Variants in ESRRB observed in about 807,000 individuals in gnomAD.
The protein encoded by ESRRB is estrogen related receptor beta, also known as steroid hormone receptor ERR2.
In ESRRB, 16 loss-of-function variants were observed where a neutral mutation model predicts 46.0. The ratio of observed to expected loss-of-function variants is 0.35; its 90% CI spans 0.24 to 0.53. ESRRB has a LOEUF of 0.53. Among genes scored for constraint, ESRRB ranks in the 20% least tolerant of loss-of-function variants. ESRRB has a pLI of 0.93. For missense variants in ESRRB, 488 were observed against 607.4 expected, an observed-to-expected ratio of 0.80 and a Z score of 2.07; for synonymous variants, 246 against 259.6, an observed-to-expected ratio of 0.95 and a Z score of 0.50.
At chr14:76,473,525 A>G (rs537346987) in intron 3 of ESRRB, among the ~76,000 whole-genome samples, 1 of 152,370 alleles carries the variant, frequency 6.6e-6, no homozygotes, top group African/African-American at 2.4e-5. Flanking sequence ...GCTTAGGGCC[A>G]GGTGCAGGGC....
At chr14:76,478,587 T>TA (rs1889675716) in intron 3 of ESRRB, among the ~76,000 whole-genome samples, 1 of 151,142 alleles carries the variant, frequency 6.6e-6, no homozygotes, top group South Asian at 2.1e-4. Context: ...TCAAGGAGAG[T>TA]ATATGTTTAA....
At chr14:76,414,668 T>TAAAAAAAAAAAA (rs71452810) in intron 1 of ESRRB, among the ~76,000 whole-genome samples, 41 of 116,840 alleles carry the variant, frequency 3.5e-4, no homozygotes, top group African/African-American at 9.6e-4. Flanking sequence ...GTTTGTTCCT[T>TAAAAAAAAAAAA]AAAAAAAAAA....
Position 76,317,023 on chromosome 14 carries a change from C to G in ESRRB, c.2+6107C>G, listed in dbSNP as rs576480987. Among the ~76,000 whole-genome samples the G allele has an allele frequency of 7.9e-5, 12 of 152,100 alleles. No homozygotes were observed. In the East Asian group the frequency reaches 2.3e-3, roughly 29 times the overall value. On this transcript the variant is annotated intron_variant, in intron 1 of 6. Coordinates refer to the ESRRB transcript ENST00000512784. ...CCGGGTGGTACACATGAGAGGAAGA[C>G]CTTCCTTCTGAAGTTTTCCAAAGTG...
At chr14:76,335,272 C>T (rs1444190361) in intron 1 of ESRRB, among the ~76,000 whole-genome samples, 3 of 152,184 alleles carry the variant, frequency 2.0e-5, no homozygotes, top group Non-Finnish European at 4.4e-5. Context: ...CCTCTGCTGC[C>T]CTCTGACCAA....
intron 1 of ESRRB, among the ~76,000 whole-genome samples, chr14:76,402,768 A>C (rs113276326): frequency 0.029 from 4,369 of 152,142 alleles, 230 homozygotes; most frequent in African/African-American, 0.1. Context: ...TCCTGGCCTC[A>C]AGCTACCCTC....
chr14:76,471,746 T>G (rs1867656), intron 3 of ESRRB, among the ~76,000 whole-genome samples: 53,374 of 152,096 alleles, frequency 0.35, 9,529 homozygotes, highest in South Asian at 0.45. Flanking sequence ...CTTCTTTCAG[T>G]CTGACATTAT....
At chr14:76,391,032 C>A (rs955845840) in intron 1 of ESRRB, among the ~76,000 whole-genome samples, 15 of 152,156 alleles carry the variant, frequency 9.9e-5, no homozygotes, top group African/African-American at 3.6e-4. Flanking sequence ...CTGGGCTGTG[C>A]GGTCATGCCC....
chr14:76,430,986 T>C (rs1365768349), intron 1 of ESRRB, among the ~76,000 whole-genome samples: 1 of 152,192 alleles, frequency 6.6e-6, no homozygotes, highest in East Asian at 1.9e-4. Flanking sequence ...GGAAAGATCC[T>C]TGAGATTCCA....
intron 3 of ESRRB, among the ~76,000 whole-genome samples, chr14:76,469,929 G>GTTTTTTTTTTTTTCTT (rs1889295075): frequency 1.3e-5 from 1 of 78,750 alleles, no homozygotes; most frequent in Non-Finnish European, 2.8e-5. Context: ...GTTTTTTGTT[G>GTTTTTTTTTTTTTCTT]TTTTTTTTTT....
chr14:76,346,982 C>G (rs1037787613), intron 1 of ESRRB, among the ~76,000 whole-genome samples: 16 of 152,214 alleles, frequency 1.1e-4, no homozygotes, highest in African/African-American at 3.6e-4. Context: ...CAGGCACGTG[C>G]TTATGCAAAC....
intron 1 of ESRRB, among the ~76,000 whole-genome samples, chr14:76,323,237 G>A (rs11628405): frequency 0.054 from 8,184 of 151,928 alleles, 309 homozygotes; most frequent in Middle Eastern, 0.15. Flanking sequence ...ATTCTTTGGG[G>A]ACATTTTTTT....
chr14:76,333,558 G>A (rs1444730233), intron 1 of ESRRB, among the ~76,000 whole-genome samples: 1 of 146,958 alleles, frequency 6.8e-6, no homozygotes, highest in Non-Finnish European at 1.5e-5. Flanking sequence ...AAACTCCTGA[G>A]TTCAAGCAAT....
intron 1 of ESRRB, among the ~76,000 whole-genome samples, chr14:76,318,988 A>T (rs1418297153): frequency 6.6e-6 from 1 of 151,876 alleles, no homozygotes; most frequent in Non-Finnish European, 1.5e-5. Flanking sequence ...AGGGGACTCC[A>T]CTCCCATATC....
upstream of ESRRB, among the ~76,000 whole-genome samples, chr14:76,366,727 G>A (rs768950905): frequency 6.6e-6 from 1 of 152,186 alleles, no homozygotes; most frequent in Non-Finnish European, 1.5e-5. Flanking sequence ...CAGTGGAGAA[G>A]GGATACTGGG....
intron 1 of ESRRB, among the ~76,000 whole-genome samples, chr14:76,319,669 G>C (rs184512167): frequency 1.3e-5 from 2 of 152,250 alleles, no homozygotes; most frequent in East Asian, 1.9e-4. Flanking sequence ...TTTAGCCCAG[G>C]GGAAAAGACC....
intron 1 of ESRRB, among the ~76,000 whole-genome samples, chr14:76,357,195 T>C (rs1446976753): frequency 6.6e-6 from 1 of 152,230 alleles, no homozygotes; most frequent in Non-Finnish European, 1.5e-5. Context: ...GAGAGAAGAA[T>C]CTATATCCAG....
intron 1 of ESRRB, among the ~76,000 whole-genome samples, chr14:76,358,327 GAAA>G (rs1884413288): frequency 8.9e-5 from 1 of 11,226 alleles, no homozygotes; most frequent in Non-Finnish European, 1.4e-4. Context: ...AAAAAAAAAA[GAAA>G]GAAAGAAAGA....
intron 5 of ESRRB, among the ~76,000 whole-genome samples, chr14:76,488,428 C>T (rs1425880732): frequency 6.6e-6 from 1 of 152,176 alleles, no homozygotes; most frequent in Non-Finnish European, 1.5e-5. Context: ...TCCAGTCTCC[C>T]TCCCACCACC....
At chr14:76,369,191 GAA>G (rs200417472), upstream of ESRRB, among the ~76,000 whole-genome samples, 50 of 132,766 alleles carry the variant, frequency 3.8e-4, no homozygotes, top group Middle Eastern at 3.9e-3. Flanking sequence ...TCAAAAAAAA[GAA>G]AAAAAAAAAA....
Sources: gnomAD v4.1 joint callset for allele counts (sites outside exome capture counted in the v4.1 genomes callset) on GRCh38, gnomAD v4.1.1 for gene constraint, MANE v1.5 for transcripts, NCBI Gene and HGNC (gene_info 2026-07-23, HGNC 2026-07-21) for gene names.